The following DCLRE1C variants were observed in gnomAD, a reference collection of about 807,000 sequenced individuals.
DCLRE1C encodes the protein DNA cross-link repair 1C.
In DCLRE1C, 47 loss-of-function variants were observed where a neutral mutation model predicts 61.4. That is an observed-to-expected ratio of 0.77 (90% confidence interval 0.61 to 0.98). DCLRE1C has a LOEUF of 0.98. Ranked by LOEUF, DCLRE1C falls within the 50% of genes least tolerant of loss-of-function variation. DCLRE1C has a pLI of 0.00. For synonymous variants in DCLRE1C, 337 were observed against 287.6 expected, an observed-to-expected ratio of 1.17 and a Z score of -1.74; for missense variants, 858 against 816.0, an observed-to-expected ratio of 1.05 and a Z score of -0.63.
At chr10:14,922,659 A>G (rs1204742312) in intron 12 of DCLRE1C, among the ~76,000 whole-genome samples, 1 of 152,140 alleles carries the variant, frequency 6.6e-6, no homozygotes. Flanking sequence ...TAAGAAGACC[A>G]ACAAGTAGGC....
downstream of DCLRE1C, among the ~76,000 whole-genome samples, chr10:14,900,019 A>G (rs941827943): frequency 2.4e-4 from 36 of 152,360 alleles, 1 homozygote; most frequent in Admixed American, 1.2e-3. Flanking sequence ...CAAGAATTAC[A>G]CAGAACTGTA....
intron 13 of DCLRE1C, among the ~76,000 whole-genome samples, chr10:14,916,577 C>T (rs538978105): frequency 1.3e-5 from 2 of 152,334 alleles, no homozygotes; most frequent in Admixed American, 1.3e-4. Flanking sequence ...AACACTTCTG[C>T]TCCCAAGCAT....
intron 13 of DCLRE1C, among the ~76,000 whole-genome samples, chr10:14,916,107 C>T (rs1280421903): frequency 6.6e-6 from 1 of 152,176 alleles, no homozygotes; most frequent in East Asian, 1.9e-4. Flanking sequence ...CTGCCTGACA[C>T]AAAGCCTATA....
intron 8 of DCLRE1C, among the ~76,000 whole-genome samples, chr10:14,933,477 A>T (rs556813199): frequency 6.6e-6 from 1 of 152,200 alleles, no homozygotes; most frequent in South Asian, 2.1e-4. Context: ...TCTCTACTAA[A>T]AATACAAAAA....
In DCLRE1C at chr10:14,938,960, C is replaced by T. The variant is rs376786541; in HGVS notation, c.306+850G>A. On this transcript the variant is annotated intron_variant, in intron 4 of 13. Coordinates refer to ENST00000378278, the MANE Select transcript of DCLRE1C (RefSeq NM_001033855.3). ...TTAAGGACTAAATGTTCGTGTCCCT[C>T]CCCAAAATTCCTATGTTGAAATCCT... 2.8e-4 allele frequency among the ~76,000 whole-genome samples: 42 copies of T among 152,274 alleles called. No individual in the cohort carries two copies. In the South Asian group the frequency reaches 5.8e-3, roughly 21 times the overall value.
intron 3 of DCLRE1C, among the ~76,000 whole-genome samples, chr10:14,942,849 G>A (rs895606671): frequency 6.6e-6 from 1 of 152,154 alleles, no homozygotes; most frequent in Non-Finnish European, 1.5e-5. Flanking sequence ...ACAGAAGCCC[G>A]GCATAGTGGC....
chr10:14,904,879 T>C lies in DCLRE1C; in HGVS notation c.*3529A>G, dbSNP rs954774743. 1.3e-5 allele frequency among the ~76,000 whole-genome samples: 2 copies of C among 152,238 alleles called. No homozygotes were observed. Among genetic ancestry groups the C allele is most frequent in the Non-Finnish European group, 2.9e-5 (2 of 68,030 alleles). On this transcript the variant is annotated 3_prime_UTR_variant, in exon 14 of 14. Coordinates refer to ENST00000378278, the MANE Select transcript of DCLRE1C (RefSeq NM_001033855.3). ...AGGTGAATCCACTGTATGTATTATA[T>C]TGATACCATCATTTTCAGGATCTAC... is the stretch of plus-strand genomic sequence containing the variant.
intron 1 of DCLRE1C, among the ~76,000 whole-genome samples, chr10:14,951,282 G>A (rs1330039543): frequency 6.7e-6 from 1 of 150,186 alleles, no homozygotes; most frequent in Non-Finnish European, 1.5e-5. Context: ...TCAGGTGGGA[G>A]TACTTGCTGA....
chr10:14,921,838 C>T, intron 12 of DCLRE1C, among the ~76,000 whole-genome samples: 1 of 152,074 alleles, frequency 6.6e-6, no homozygotes, highest in East Asian at 1.9e-4. Flanking sequence ...CTGGTGACTT[C>T]TTCTTTTCTC....
intron 11 of DCLRE1C, among the ~76,000 whole-genome samples, chr10:14,925,003 C>A (rs1035672792): frequency 8.6e-5 from 13 of 151,836 alleles, no homozygotes; most frequent in Non-Finnish European, 7.4e-5. Flanking sequence ...GAGGCAGAAA[C>A]CCAAGAATTG....
At chr10:14,945,230 A>G (rs762970878) in intron 2 of DCLRE1C, 41 bp from the exon 3 acceptor site, 1 of 1,572,546 alleles carries the variant, frequency 6.4e-7, no homozygotes, top group African/African-American at 1.4e-5. Context: ...ACAATCCAAA[A>G]TGAGCCATCT....
intron 1 of DCLRE1C, 70 bp downstream of exon 1, chr10:14,953,832 G>C (rs1241119490): frequency 1.9e-6 from 3 of 1,597,932 alleles, no homozygotes; most frequent in Non-Finnish European, 2.6e-6. Context: ...TTGCTCCAGG[G>C]CCGGCCCCCT....
At chr10:14,935,012 C>CG (rs1259261072) in intron 6 of DCLRE1C, among the ~76,000 whole-genome samples, 2 of 151,578 alleles carry the variant, frequency 1.3e-5, no homozygotes, top group Non-Finnish European at 2.9e-5. Flanking sequence ...TTAGTAGAGA[C>CG]GGGGTTTCAC....
In DCLRE1C at chr10:14,922,966, C is replaced by T. The variant is rs1199000216; in HGVS notation, c.1061+15G>A. The T allele has an allele frequency of 1.2e-6, 2 of 1,601,774 alleles. No individual in the cohort carries two copies. The highest frequency in any genetic ancestry group is 2.7e-5 in the African/African-American group (2 of 74,648). Reference sequence around the variant, plus strand: ...CCAAGGGGGACACCAAGTCCCACAACCAGTGACTACTCACATTTCGACAAC... The same window carrying T: ...CCAAGGGGGACACCAAGTCCCACAATCAGTGACTACTCACATTTCGACAAC... On this transcript the variant is annotated intron_variant, in intron 12 of 13. Transcript: ENST00000378278.
At chr10:14,902,304 C>A, downstream of DCLRE1C, 1 of 663,332 alleles carries the variant, frequency 1.5e-6, no homozygotes, top group Non-Finnish European at 2.5e-6. Context: ...CATGTAAGTA[C>A]CCTCTATCAC....
In DCLRE1C at chr10:14,908,751, C is replaced by T; in HGVS notation, c.1736G>A (p.Arg579Lys). ...AGGAATATTCTCTTTGATTGTTGGT[C>T]TGTAGTCAGCTTTGTCCAAGGAAGT... is the stretch of plus-strand genomic sequence containing the variant. The part of the protein sequence containing the change: ...DITSLDKADY[R>K]PTIKENIPAS... The change falls in exon 14 of 14, where the codon AGA (arginine) becomes AAA (lysine). Residue 579 changes from arginine to lysine, a missense_variant. This residue lies in a region of DCLRE1C where 843 missense variants were observed against 783.5 expected (regional missense o/e 1.08). Coordinates refer to ENST00000378278, the MANE Select transcript of DCLRE1C (RefSeq NM_001033855.3). 1 of 1,614,182 alleles carries T rather than the reference C, an allele frequency of 6.2e-7. No individual in the cohort carries two copies. The highest frequency in any genetic ancestry group is 1.1e-5 in the South Asian group (1 of 91,086).
chr10:14,954,124 A>G (rs1031341820), upstream of DCLRE1C: 21 of 1,556,660 alleles, frequency 1.3e-5, no homozygotes, highest in Non-Finnish European at 1.7e-5. Flanking sequence ...TGGGCGGCCG[A>G]ACGCAGCCAC....
chr10:14,925,304 G>A (rs1466882138), intron 11 of DCLRE1C, among the ~76,000 whole-genome samples: 1 of 150,918 alleles, frequency 6.6e-6, no homozygotes, highest in African/African-American at 2.4e-5. Flanking sequence ...AGATGAAATG[G>A]CCCCAAGGAG....
At chr10:14,909,375 A>G in intron 13 of DCLRE1C, 45 bp from the exon 14 acceptor site, 16 of 1,562,460 alleles carry the variant, frequency 1.0e-5, no homozygotes, top group Non-Finnish European at 1.4e-5. Context: ...AGGCAAAGGG[A>G]GCCAATTTGT....
Sources: allele counts gnomAD v4.1 joint callset (sites outside exome capture counted in the v4.1 genomes callset), GRCh38; gene constraint gnomAD v4.1.1; regional missense constraint gnomAD v4.1.1; transcripts MANE v1.5; gene names NCBI Gene and HGNC (gene_info 2026-07-23, HGNC 2026-07-21).